MMP26: variants seen among roughly 807,000 people sequenced by gnomAD.
MMP26 encodes the protein matrix metalloproteinase-26.
MMP26 carries 33 observed loss-of-function variants against 31.0 expected under a neutral mutation model. The observed-to-expected ratio is 1.06, with a 90% CI of 0.81 to 1.42. The LOEUF (loss-of-function observed/expected upper bound fraction) is 1.42, where lower values mean the gene tolerates loss of function less well. Ranked by LOEUF, MMP26 falls within the 40% of genes most tolerant of loss-of-function variation. The probability of loss-of-function intolerance (pLI) is 0.00; values close to 1 mark genes in which losing one functional copy is unlikely to be tolerated. For missense variants in MMP26, 347 were observed against 316.1 expected, an observed-to-expected ratio of 1.10 and a Z score of -0.74; for synonymous variants, 122 against 114.9, an observed-to-expected ratio of 1.06 and a Z score of -0.40.
At chr11:4,807,950 A>T (rs1481077370) in intron 2 of MMP26, among the ~76,000 whole-genome samples, 1 of 151,990 alleles carries the variant, frequency 6.6e-6, no homozygotes, top group East Asian at 1.9e-4. Context: ...AACTACAGAT[A>T]CGCACCACAA....
chr11:4,748,970 A>G (rs1848414836), intron 1 of MMP26, among the ~76,000 whole-genome samples: 2 of 152,046 alleles, frequency 1.3e-5, no homozygotes, highest in Non-Finnish European at 1.5e-5. Context: ...AAAAAATGAA[A>G]TGCATCAAAA....
At chr11:4,769,718 C>A (rs11033800) in intron 2 of MMP26, 379,120 of 1,608,918 alleles carry the variant, frequency 0.24, 49,803 homozygotes, top group African/African-American at 0.44. Context: ...GGCTGATAGC[C>A]TGAAGAGGAA....
At chr11:4,794,916 C>T (rs1247298000) in intron 2 of MMP26, 2 of 152,194 alleles carry the variant, frequency 1.3e-5, no homozygotes, top group Non-Finnish European at 2.9e-5. Context: ...CAACACCCTG[C>T]AAAATGGCAG....
chr11:4,971,922 C>G (rs755753275), intron 2 of MMP26, among the ~76,000 whole-genome samples: 1 of 152,112 alleles, frequency 6.6e-6, no homozygotes, highest in Non-Finnish European at 1.5e-5. Flanking sequence ...AGAGTGAGAA[C>G]TCACTCAATC....
At chr11:4,974,556 T>A (rs1300606739) in intron 2 of MMP26, among the ~76,000 whole-genome samples, 2 of 152,116 alleles carry the variant, frequency 1.3e-5, no homozygotes, top group Non-Finnish European at 2.9e-5. Context: ...TTATTTTCTG[T>A]TTTTCTTAGT....
chr11:4,748,679 CTT>C (rs200910227), intron 1 of MMP26, among the ~76,000 whole-genome samples: 4 of 150,694 alleles, frequency 2.7e-5, no homozygotes, highest in African/African-American at 9.8e-5. Flanking sequence ...CATAAGCAGA[CTT>C]TTTTTAAAAA....
rs546573951 is a variant in MMP26 at position 4,745,685 on chromosome 11, A to G, written c.-216-21585A>G. Among the ~76,000 whole-genome samples the G allele has an allele frequency of 2.0e-5, 3 of 152,194 alleles. 1 individual carries two copies. The South Asian group carries it at 6.2e-4, about 32-fold the overall frequency. Reference sequence around the variant, plus strand: ...GTTCTATGGATTTGATGCATGTGTAATGATACATACCTTCCATTGTAGTGT... The same window carrying G: ...GTTCTATGGATTTGATGCATGTGTAGTGATACATACCTTCCATTGTAGTGT... On this transcript the variant is annotated intron_variant, in intron 1 of 7. Transcript: ENST00000380390.
At chr11:4,812,937 G>C (rs1477578309) in intron 2 of MMP26, among the ~76,000 whole-genome samples, 3 of 151,336 alleles carry the variant, frequency 2.0e-5, no homozygotes, top group South Asian at 2.1e-4. Flanking sequence ...GGCATCCTGA[G>C]ATTTTCTTTT....
chr11:4,863,499 T>A (rs1850193216), intron 2 of MMP26: 1 of 152,198 alleles, frequency 6.6e-6, no homozygotes, highest in Non-Finnish European at 1.5e-5. Context: ...TCATCTGTCC[T>A]TATAACATTT....
intron 2 of MMP26, chr11:4,882,862 T>A (rs1426962680): frequency 2.5e-6 from 4 of 1,612,712 alleles, no homozygotes; most frequent in Middle Eastern, 1.7e-4. Flanking sequence ...ATGTGAGGGG[T>A]CTTAGGGGAA....
intron 2 of MMP26, among the ~76,000 whole-genome samples, chr11:4,941,446 A>G (rs942199972): frequency 7.2e-5 from 11 of 152,208 alleles, no homozygotes; most frequent in Non-Finnish European, 2.9e-5. Context: ...ACACAAACAC[A>G]TACGGGTTCT....
intron 2 of MMP26, among the ~76,000 whole-genome samples, chr11:4,922,839 T>A (rs1459628671): frequency 6.6e-6 from 1 of 152,186 alleles, no homozygotes; most frequent in Non-Finnish European, 1.5e-5. Context: ...TTTTCTTAAT[T>A]TTGTGGGCAT....
rs1161565234 is a variant in MMP26, at chr11:4,992,019, G to A, written c.651G>A (p.Gln217=). 5 of 1,613,678 alleles carry A rather than the reference G, an allele frequency of 3.1e-6. No homozygotes were observed. Among genetic ancestry groups the A allele is most frequent in the African/African-American group, 1.3e-5 (1 of 74,918 alleles). The change falls in exon 7 of 8, where the codon CAG becomes CAA. Residue 217 remains glutamine, a synonymous_variant. Coordinates refer to ENST00000380390, the MANE Select transcript of MMP26 (RefSeq NM_021801.5). Reference sequence around the variant, plus strand: ...AGATTGGGCATTCTTTGGGCCTGCAGCACTCTGGGAATCAGAGCTCCATAA... The same window carrying A: ...AGATTGGGCATTCTTTGGGCCTGCAACACTCTGGGAATCAGAGCTCCATAA... The part of the protein sequence containing the change: ...THEIGHSLGL[Q]HSGNQSSIMY...
chr11:4,727,782 C>T (rs1848122671), intron 1 of MMP26, among the ~76,000 whole-genome samples: 1 of 152,170 alleles, frequency 6.6e-6, no homozygotes, highest in Non-Finnish European at 1.5e-5. Context: ...GCACTCCATC[C>T]TGGGCAACAG....
chr11:4,821,936 G>A, intron 2 of MMP26: 1 of 1,614,020 alleles, frequency 6.2e-7, no homozygotes, highest in Non-Finnish European at 8.5e-7. Flanking sequence ...TCCTTCTGCA[G>A]TTCTATGGTC....
chr11:4,707,424 T>C lies in MMP26; in HGVS notation c.-217+2379T>C, dbSNP rs561626223. On this transcript the variant is annotated intron_variant, in intron 1 of 7. Transcript: ENST00000380390. Reference sequence around the variant, plus strand: ...GTAGGAGTTCTTTATATATTTTGAATATTAACCCCTAATCAGGTATTTGGT... The same window carrying C: ...GTAGGAGTTCTTTATATATTTTGAACATTAACCCCTAATCAGGTATTTGGT... Among the ~76,000 whole-genome samples the C allele has an allele frequency of 5.9e-5, 9 of 152,330 alleles. No homozygotes were observed. The South Asian group carries it at 1.9e-3, about 32-fold the overall frequency.
intron 1 of MMP26, among the ~76,000 whole-genome samples, chr11:4,766,710 TCCCTC>T (rs1848634554): frequency 7.7e-5 from 3 of 39,058 alleles, no homozygotes; most frequent in Non-Finnish European, 1.0e-4. Flanking sequence ...CCTCCCTCCC[TCCCTC>T]CCTTCCTTCC....
chr11:4,778,102 T>A (rs1594811), intron 2 of MMP26, among the ~76,000 whole-genome samples: 14,380 of 152,120 alleles, frequency 0.095, 852 homozygotes, highest in Middle Eastern at 0.15. Flanking sequence ...GCAGTTCAAA[T>A]CAATTCACAT....
At chr11:4,755,610 G>A (rs536502317) in intron 1 of MMP26, among the ~76,000 whole-genome samples, 1 of 152,088 alleles carries the variant, frequency 6.6e-6, no homozygotes, top group South Asian at 2.1e-4. Flanking sequence ...ACAAAAGAGA[G>A]TGAAATAAAA....
Sources: gnomAD v4.1 joint callset for allele counts (sites outside exome capture counted in the v4.1 genomes callset) on GRCh38, gnomAD v4.1.1 for gene constraint, MANE v1.5 for transcripts, NCBI Gene and HGNC (gene_info 2026-07-23, HGNC 2026-07-21) for gene names.